Variants in STOM observed in about 807,000 individuals in gnomAD.
STOM encodes the protein erythrocyte band 7 integral membrane protein.
A neutral mutation model predicts 30.6 loss-of-function variants in STOM; 25 were observed. The observed-to-expected ratio is 0.82, with a 90% confidence interval of 0.60 to 1.14. The LOEUF is 1.14. Among genes scored for constraint, STOM ranks in the 50% most tolerant of loss-of-function variants. The pLI is 0.00. For synonymous variants in STOM, 118 were observed against 130.8 expected (o/e 0.90, Z 0.67); for missense variants, 292 against 365.2 (o/e 0.80, Z 1.63).
In STOM at chr9:121,340,648, G is replaced by A; in HGVS notation, c.*554C>T. 1 of 701,236 alleles carries A rather than the reference G, an allele frequency of 1.4e-6. No individual in the cohort carries two copies. Among genetic ancestry groups the A allele is most frequent in the Non-Finnish European group, 1.8e-6 (1 of 570,656 alleles). 43.4% of individuals were successfully genotyped at this position (701,236 alleles called of 1,614,324 possible). ...GCCTGTAATCCCAGCTACTGGGGAG[G>A]CTGAGGCAGGAGAATCTCTTGAACC... On this transcript the variant is annotated 3_prime_UTR_variant, in exon 7 of 7. Coordinates refer to ENST00000286713, the MANE Select transcript of STOM (RefSeq NM_004099.6).
chr9:121,346,217 T>A (rs1450824279), intron 6 of STOM, among the ~76,000 whole-genome samples: 2 of 152,264 alleles, frequency 1.3e-5, no homozygotes, highest in African/African-American at 4.8e-5. Context: ...CTTGAACTCC[T>A]CACCTCAGGT....
chr9:121,356,697 T>C (rs2064394252), intron 1 of STOM, among the ~76,000 whole-genome samples: 1 of 152,078 alleles, frequency 6.6e-6, no homozygotes, highest in African/African-American at 2.4e-5. Flanking sequence ...GAAAAGAAAG[T>C]GGAGGCTGGG....
chr9:121,346,134 C>T (rs1047461596), intron 6 of STOM, among the ~76,000 whole-genome samples: 6 of 152,218 alleles, frequency 3.9e-5, no homozygotes, highest in South Asian at 2.1e-4. Flanking sequence ...GGATTACAGG[C>T]GCCTACCACC....
At chr9:121,349,026 A>G (rs2064314704) in intron 5 of STOM, 94 bp downstream of exon 5, 9 of 1,412,302 alleles carry the variant, frequency 6.4e-6, no homozygotes, top group Non-Finnish European at 9.6e-7. Flanking sequence ...ACAGACCCCC[A>G]CAACTTGAAT....
At chr9:121,351,546 CATG>C (rs1442644013) in intron 4 of STOM, among the ~76,000 whole-genome samples, 1 of 152,246 alleles carries the variant, frequency 6.6e-6, no homozygotes, top group African/African-American at 2.4e-5. Flanking sequence ...CTTCCCCCTT[CATG>C]ATGTTTTCAG....
Position 121,340,913 on chromosome 9 carries a change from T to G in STOM, c.*289A>C. 8.2e-7 allele frequency: 1 copy of G among 1,217,976 alleles called. No homozygotes were observed. The highest frequency in any genetic ancestry group is 1.8e-5 in the South Asian group (1 of 54,912). The allele number at this position is 1,217,976 out of a possible 1,614,324, so 75.4% of individuals were successfully genotyped here. A position where few individuals can be genotyped will look rare whatever the true frequency, so the allele number is the denominator to read the frequency against. On this transcript the variant is annotated 3_prime_UTR_variant, in exon 7 of 7. Coordinates refer to ENST00000286713, the MANE Select transcript of STOM (RefSeq NM_004099.6). ...GCCTCTGGCCTGGGTGCTTAGGGGG[T>G]TCAGAATGAGTCAGTGGAAGTCAAA... is the stretch of plus-strand genomic sequence containing the variant.
intron 1 of STOM, chr9:121,366,292 A>C: frequency 1.0e-6 from 1 of 977,196 alleles, no homozygotes; most frequent in South Asian, 4.7e-5. Context: ...AGAATGTAGC[A>C]ACAAGTGTGT....
In STOM at chr9:121,340,248, G is replaced by A. The variant is rs767480493; in HGVS notation, c.*954C>T. 11 of 985,154 alleles carry A rather than the reference G, an allele frequency of 1.1e-5. No homozygotes were observed. The highest frequency in any genetic ancestry group is 1.1e-4 in the East Asian group (1 of 8,824). The allele number at this position is 985,154 out of a possible 1,614,324, so 61.0% of individuals were successfully genotyped here. ...GGCTCAAATAAGTTAAAACATGGAT[G>A]TATTTTTAAAATGACCACTCTAGTA... On this transcript the variant is annotated 3_prime_UTR_variant, in exon 7 of 7. Transcript: ENST00000286713.
intron 1 of STOM, among the ~76,000 whole-genome samples, chr9:121,365,111 G>A (rs2064490172): frequency 6.6e-6 from 1 of 151,974 alleles, no homozygotes; most frequent in Admixed American, 6.6e-5. Context: ...GTTGCTGGAT[G>A]AGTTGAGTGT....
intron 4 of STOM, among the ~76,000 whole-genome samples, chr9:121,351,054 G>T (rs1354282468): frequency 1.3e-5 from 2 of 152,086 alleles, no homozygotes; most frequent in Non-Finnish European, 2.9e-5. Flanking sequence ...CATCGGCAAG[G>T]GTTTATCTCC....
chr9:121,355,209 G>C (rs921328807), intron 2 of STOM, among the ~76,000 whole-genome samples: 1 of 144,912 alleles, frequency 6.9e-6, no homozygotes, highest in African/African-American at 2.6e-5. Context: ...ACTCCAGCCT[G>C]GGCCACAAGG....
chr9:121,340,337 AG>A lies in STOM; in HGVS notation c.*864del. 1.0e-6 allele frequency: 1 copy of A among 985,426 alleles called. No homozygotes were observed. Among genetic ancestry groups the A allele is most frequent in the South Asian group, 4.7e-5 (1 of 21,290 alleles). 61.0% of individuals were successfully genotyped at this position (985,426 alleles called of 1,614,324 possible). On this transcript the variant is annotated 3_prime_UTR_variant, in exon 7 of 7. Coordinates refer to ENST00000286713, the MANE Select transcript of STOM (RefSeq NM_004099.6). ...TTCATTAGTCTTGGCTATTTCCTCT[AG>A]TTCTGACAAGTACAGGCAAGAAAAT...
At chr9:121,366,965 T>C (rs1480326351) in intron 1 of STOM, among the ~76,000 whole-genome samples, 2 of 150,904 alleles carry the variant, frequency 1.3e-5, no homozygotes, top group African/African-American at 2.4e-5. Context: ...TGCATACCTG[T>C]AGTCCCAGCT....
chr9:121,364,595 G>T (rs533553506), intron 1 of STOM, among the ~76,000 whole-genome samples: 1 of 152,290 alleles, frequency 6.6e-6, no homozygotes, highest in East Asian at 1.9e-4. Flanking sequence ...TTCTAAGAAA[G>T]ATTTGCAATA....
At position 121,339,193 on chromosome 9, in the gene STOM, T is replaced by C. The variant is rs2064225110; in HGVS notation, c.*2009A>G. The C allele has an allele frequency of 1.3e-5, 2 of 153,060 alleles. No individual in the cohort carries two copies. The highest frequency in any genetic ancestry group is 2.9e-5 in the Non-Finnish European group (2 of 68,646). The allele number at this position is 153,060 out of a possible 1,614,324, so 9.5% of individuals were successfully genotyped here. ...CCTTCTATGCGTCCCTCCCAAGTGA[T>C]TTAATTTCAGCTGATTGGACTACGA... On this transcript the variant is annotated 3_prime_UTR_variant, in exon 7 of 7. Transcript: ENST00000286713.
chr9:121,346,830 T>C (rs2064293996), intron 6 of STOM, among the ~76,000 whole-genome samples: 1 of 152,212 alleles, frequency 6.6e-6, no homozygotes, highest in Non-Finnish European at 1.5e-5. Context: ...TAAGAAATTA[T>C]AGTGACCAGT....
rs1291894251 is a variant in STOM, at chr9:121,341,382, A to G, written c.687T>C (p.Asn229=). 3 of 1,613,452 alleles carry G rather than the reference A, an allele frequency of 1.9e-6. No homozygotes were observed. The African/African-American group carries it at 4.0e-5, about 22-fold the overall frequency. ...AKVIAAEGEM[N]ASRALKEASM... ...AGGCTTCTTTCAGAGCCCTGGATGC[A>G]TTCATTTCTCCTTCGGCTGCAATAA... The change falls in exon 7 of 7, where the codon AAT becomes AAC. Residue 229 remains asparagine, a synonymous_variant. Transcript: ENST00000286713.
chr9:121,357,754 AAAAT>A (rs1290893292), intron 1 of STOM, among the ~76,000 whole-genome samples: 1 of 152,020 alleles, frequency 6.6e-6, no homozygotes, highest in African/African-American at 2.4e-5. Flanking sequence ...CATATTTTTA[AAAAT>A]AAATAAATAA....
rs1011234395 is a variant in STOM, at chr9:121,370,097, C to T, written c.61+30G>A. On this transcript the variant is annotated intron_variant, in intron 1 of 6. Coordinates refer to ENST00000286713, the MANE Select transcript of STOM (RefSeq NM_004099.6). ...ACGCTGCGGGCGGGGGCTCGGTCCA[C>T]GGGGGAGGGTCAGGGGACGCGGGAC... The T allele has an allele frequency of 4.6e-6, 7 of 1,527,702 alleles. No individual in the cohort carries two copies. The African/African-American group carries it at 5.5e-5, about 12-fold the overall frequency. The allele number at this position is 1,527,702 out of a possible 1,614,324, so 94.6% of individuals were successfully genotyped here.
Sources: allele counts gnomAD v4.1 joint callset (sites outside exome capture counted in the v4.1 genomes callset), GRCh38; gene constraint gnomAD v4.1.1; transcripts MANE v1.5; gene names NCBI Gene and HGNC (gene_info 2026-07-23, HGNC 2026-07-21).